C11orf97: variants seen among roughly 807,000 people sequenced by gnomAD.
The protein encoded by C11orf97 is chromosome 11 open reading frame 97, also known as uncharacterized protein C11orf97.
In C11orf97, 15 loss-of-function variants were observed where a neutral mutation model predicts 16.2. That is an observed-to-expected ratio of 0.93 (90% CI 0.62 to 1.43). C11orf97 has a LOEUF of 1.43. Among genes scored for constraint, C11orf97 ranks in the 40% most tolerant of loss-of-function variants. C11orf97 has a pLI of 0.00. For synonymous variants in C11orf97, 61 were observed against 65.7 expected (o/e 0.93, Z 0.34); for missense variants, 171 against 161.2 (o/e 1.06, Z -0.33).
chr11:94,521,496 T>G (rs1947656991), intron 2 of C11orf97, among the ~76,000 whole-genome samples: 1 of 152,236 alleles, frequency 6.6e-6, no homozygotes. Flanking sequence ...TTTGGCAGGT[T>G]AGGTGTATGA....
intron 2 of C11orf97, among the ~76,000 whole-genome samples, chr11:94,521,566 C>T (rs1401676661): frequency 1.8e-4 from 27 of 152,126 alleles, no homozygotes; most frequent in Admixed American, 1.8e-3. Flanking sequence ...GGATGTAACT[C>T]CGTCGTAAGT....
intron 3 of C11orf97, 147 bp from the exon 4 acceptor site, chr11:94,531,749 T>C (rs1015682805): frequency 8.9e-6 from 5 of 563,278 alleles, no homozygotes; most frequent in Non-Finnish European, 1.4e-5. Flanking sequence ...GTGGCTTTTC[T>C]GGTTACTGGG....
chr11:94,523,375 A>C (rs767956757), intron 2 of C11orf97, among the ~76,000 whole-genome samples: 3 of 152,202 alleles, frequency 2.0e-5, no homozygotes, highest in Non-Finnish European at 4.4e-5. Context: ...TAAGACAATC[A>C]ACTCCACATA....
At chr11:94,525,804 A>C (rs1330750156) in intron 2 of C11orf97, among the ~76,000 whole-genome samples, 1 of 152,238 alleles carries the variant, frequency 6.6e-6, no homozygotes, top group African/African-American at 2.4e-5. Flanking sequence ...AAGAGAGCTG[A>C]AAGGAACTAA....
chr11:94,513,700 A>T (rs1296304087), intron 1 of C11orf97, among the ~76,000 whole-genome samples: 1 of 152,234 alleles, frequency 6.6e-6, no homozygotes, highest in Non-Finnish European at 1.5e-5. Context: ...CTCCAGTATG[A>T]CTATGAAATG....
Position 94,518,127 on chromosome 11 carries a change from G to A in C11orf97, c.250+440G>A, listed in dbSNP as rs563896038. On this transcript the variant is annotated intron_variant, in intron 2 of 3. Coordinates refer to ENST00000542198, the MANE Select transcript of C11orf97 (RefSeq NM_001190462.2). Reference sequence around the variant, plus strand: ...CGCGCCACTGTACCCCAGCCTGGGTGACAGAGCAAGACTCCATATCAGAAA... The same window carrying A: ...CGCGCCACTGTACCCCAGCCTGGGTAACAGAGCAAGACTCCATATCAGAAA... Among the ~76,000 whole-genome samples the A allele has an allele frequency of 1.6e-4, 21 of 134,208 alleles. 1 individual carries two copies. In the South Asian group the frequency reaches 4.9e-3, roughly 31 times the overall value. 88.0% of individuals were successfully genotyped at this position (134,208 alleles called of 152,430 possible). A position where few individuals can be genotyped will look rare whatever the true frequency, so the allele number is the denominator to read the frequency against.
intron 2 of C11orf97, among the ~76,000 whole-genome samples, chr11:94,527,386 C>G (rs913487084): frequency 6.6e-6 from 1 of 152,250 alleles, no homozygotes; most frequent in Non-Finnish European, 1.5e-5. Flanking sequence ...GTTTTCTACA[C>G]AGTAGACATT....
At chr11:94,525,192 T>C (rs575421152) in intron 2 of C11orf97, among the ~76,000 whole-genome samples, 11 of 152,336 alleles carry the variant, frequency 7.2e-5, no homozygotes, top group African/African-American at 2.6e-4. Flanking sequence ...TAAAGGACTT[T>C]GCAGAAATAA....
chr11:94,518,875 C>A (rs1157195128), intron 2 of C11orf97, among the ~76,000 whole-genome samples: 1 of 152,026 alleles, frequency 6.6e-6, no homozygotes, highest in Non-Finnish European at 1.5e-5. Flanking sequence ...AGAAGTCCAT[C>A]ATTTCAGATT....
chr11:94,517,749 C>A, intron 2 of C11orf97, 62 bp downstream of exon 2: 1 of 1,115,344 alleles, frequency 9.0e-7, no homozygotes, highest in Non-Finnish European at 1.2e-6. Context: ...TACTTGATGA[C>A]AGAGTATTTT....
intron 2 of C11orf97, among the ~76,000 whole-genome samples, chr11:94,523,331 G>A (rs912197636): frequency 1.3e-5 from 2 of 152,152 alleles, no homozygotes; most frequent in African/African-American, 4.8e-5. Flanking sequence ...CATATTTGTA[G>A]CTATGTATGA....
intron 1 of C11orf97, among the ~76,000 whole-genome samples, chr11:94,516,428 T>C (rs1370325824): frequency 6.6e-6 from 1 of 152,198 alleles, no homozygotes; most frequent in East Asian, 1.9e-4. Flanking sequence ...TTGACAGACA[T>C]GCACACAGTC....
intron 2 of C11orf97, among the ~76,000 whole-genome samples, chr11:94,519,170 T>A (rs1327969663): frequency 1.3e-5 from 2 of 152,094 alleles, no homozygotes; most frequent in Non-Finnish European, 2.9e-5. Flanking sequence ...GGCCTCCCAA[T>A]GTGCTGGCAT....
chr11:94,512,474 T>A lies in C11orf97; in HGVS notation c.-55T>A, dbSNP rs1947576388. The A allele has an allele frequency of 1.6e-6, 2 of 1,258,002 alleles. No homozygotes were observed. The highest frequency in any genetic ancestry group is 2.0e-6 in the Non-Finnish European group (2 of 1,000,304). 77.9% of individuals were successfully genotyped at this position (1,258,002 alleles called of 1,614,324 possible). ...GAGACGCCTCGCATGCTGGGCTGCC[T>A]GCGACTGAGCTGAGAAGGAAACCGT... On this transcript the variant is annotated 5_prime_UTR_variant, in exon 1 of 4. Transcript: ENST00000542198.
intron 3 of C11orf97, among the ~76,000 whole-genome samples, chr11:94,528,928 C>T (rs1285171542): frequency 6.6e-6 from 1 of 152,034 alleles, no homozygotes; most frequent in Non-Finnish European, 1.5e-5. Context: ...GGTACTCAAC[C>T]AAGATATGAA....
At chr11:94,515,127 C>T (rs1404268207) in intron 1 of C11orf97, among the ~76,000 whole-genome samples, 1 of 152,030 alleles carries the variant, frequency 6.6e-6, no homozygotes, top group South Asian at 2.1e-4. Flanking sequence ...ACCGTAGGAG[C>T]TTGGGAGACT....
At chr11:94,513,204 C>T (rs1002550150) in intron 1 of C11orf97, among the ~76,000 whole-genome samples, 1 of 152,162 alleles carries the variant, frequency 6.6e-6, no homozygotes, top group Non-Finnish European at 1.5e-5. Context: ...ATTACCCAAT[C>T]CTTTTAGAAT....
At chr11:94,531,792 A>G (rs750705845) in intron 3 of C11orf97, 104 bp from the exon 4 acceptor site, 25 of 959,466 alleles carry the variant, frequency 2.6e-5, no homozygotes, top group Non-Finnish European at 3.4e-5. Flanking sequence ...ATTCTGCTCA[A>G]TCAAATGGGA....
chr11:94,515,314 C>CAA (rs555535218), intron 1 of C11orf97, among the ~76,000 whole-genome samples: 9 of 150,492 alleles, frequency 6.0e-5, no homozygotes, highest in African/African-American at 1.9e-4. Context: ...CAAAAAACAA[C>CAA]AAAAAAAAAT....
Sources: allele counts gnomAD v4.1 joint callset (sites outside exome capture counted in the v4.1 genomes callset), GRCh38; gene constraint gnomAD v4.1.1; transcripts MANE v1.5; gene names NCBI Gene and HGNC (gene_info 2026-07-23, HGNC 2026-07-21).